Variants in GLI3 observed in about 807,000 individuals in gnomAD.
GLI3 encodes the protein GLI family zinc finger 3, also known as transcription activator GLI3.
GLI3 carries 20 observed loss-of-function variants against 100.8 expected under a neutral mutation model. That is an observed-to-expected ratio of 0.20 (90% CI 0.14 to 0.29). The LOEUF is 0.29. Ranked by LOEUF, GLI3 falls within the 10% of genes least tolerant of loss-of-function variation. The pLI is 1.00. For missense variants in GLI3, 2,040 were observed against 2,128.5 expected, an observed-to-expected ratio of 0.96 and a Z score of 0.82; for synonymous variants, 938 against 860.5, an observed-to-expected ratio of 1.09 and a Z score of -1.58.
rs2128710088 is a variant in GLI3 at position 41,972,746 on chromosome 7, C to T, written c.1813-119G>A. The T allele has an allele frequency of 1.2e-6, 1 of 814,194 alleles. No homozygotes were observed. 50.4% of individuals were successfully genotyped at this position (814,194 alleles called of 1,614,324 possible). On this transcript the variant is annotated intron_variant, in intron 12 of 14. Coordinates refer to ENST00000395925, the MANE Select transcript of GLI3 (RefSeq NM_000168.6). The surrounding 1 kb of genome is among the most constrained non-coding windows in gnomAD (Gnocchi z 4.4). The stretch of plus-strand genomic sequence containing the variant: ...ATCCTTTCAAAACACTTTCACAAGG[C>T]TTTGAGGTGTTCAGATACCTCTAGG...
intron 10 of GLI3, among the ~76,000 whole-genome samples, chr7:41,983,505 A>G (rs1310620320): frequency 2.6e-5 from 4 of 152,226 alleles, no homozygotes; most frequent in African/African-American, 4.8e-5. Flanking sequence ...CTGAAATTCA[A>G]TGGGCACGAG....
intron 2 of GLI3, among the ~76,000 whole-genome samples, chr7:42,207,807 C>T (rs151270261): frequency 2.2e-3 from 340 of 152,250 alleles, no homozygotes; most frequent in African/African-American, 7.9e-3. Flanking sequence ...AGGCCAGCTT[C>T]GTGTTTTTCT....
chr7:41,997,011 A>G (rs558519130), intron 10 of GLI3, among the ~76,000 whole-genome samples: 1 of 152,212 alleles, frequency 6.6e-6, no homozygotes, highest in South Asian at 2.1e-4. Flanking sequence ...GGGCAGAAGA[A>G]TTGGGATTTT....
chr7:42,100,929 G>A (rs1034618752), intron 3 of GLI3, among the ~76,000 whole-genome samples: 11 of 152,112 alleles, frequency 7.2e-5, no homozygotes. Flanking sequence ...CCTTGATTTT[G>A]GACTTTCAGC....
intron 1 of GLI3, among the ~76,000 whole-genome samples, chr7:42,231,665 C>A (rs1788698113): frequency 6.6e-6 from 1 of 152,204 alleles, no homozygotes; most frequent in African/African-American, 2.4e-5. Context: ...CAATCTTAAG[C>A]TGCTGGATGA....
intron 2 of GLI3, among the ~76,000 whole-genome samples, chr7:42,165,645 G>C (rs1787226683): frequency 6.6e-6 from 1 of 152,136 alleles, no homozygotes. Flanking sequence ...CTGGGTTTAG[G>C]CCTTGTCTAT....
At chr7:42,147,484 C>T (rs1462452137) in intron 3 of GLI3, among the ~76,000 whole-genome samples, 1 of 152,166 alleles carries the variant, frequency 6.6e-6, no homozygotes, top group Non-Finnish European at 1.5e-5. Flanking sequence ...TTTGGCACCT[C>T]AATATGAACT....
intron 2 of GLI3, among the ~76,000 whole-genome samples, chr7:42,152,857 T>C (rs1288132723): frequency 2.6e-5 from 4 of 152,242 alleles, no homozygotes; most frequent in Non-Finnish European, 5.9e-5. Flanking sequence ...GGAATGCATA[T>C]TGTAAAATAA....
intron 1 of GLI3, among the ~76,000 whole-genome samples, chr7:42,244,487 T>C (rs1161719499): frequency 6.6e-6 from 1 of 152,126 alleles, no homozygotes; most frequent in Non-Finnish European, 1.5e-5. Context: ...GAAATACAAA[T>C]TTATTGCAGC....
intron 3 of GLI3, among the ~76,000 whole-genome samples, chr7:42,083,780 A>G (rs1209510564): frequency 6.6e-6 from 1 of 152,236 alleles, no homozygotes; most frequent in Non-Finnish European, 1.5e-5. Flanking sequence ...GACTGACTTA[A>G]TATAGTAAAA....
intron 10 of GLI3, among the ~76,000 whole-genome samples, chr7:42,023,251 T>C (rs1462669291): frequency 6.6e-6 from 1 of 152,230 alleles, no homozygotes; most frequent in Non-Finnish European, 1.5e-5. Flanking sequence ...ACACTCTCTA[T>C]TGAAGACTTT....
chr7:42,197,586 T>C (rs1020156044), intron 2 of GLI3, among the ~76,000 whole-genome samples: 1 of 152,212 alleles, frequency 6.6e-6, no homozygotes, highest in Non-Finnish European at 1.5e-5. Context: ...AAATGAAATG[T>C]CGTGCTACTG....
intron 10 of GLI3, among the ~76,000 whole-genome samples, chr7:41,983,024 G>A (rs1263225442): frequency 6.6e-6 from 1 of 152,212 alleles, no homozygotes; most frequent in Non-Finnish European, 1.5e-5. Flanking sequence ...ATTTATGAAT[G>A]TGGAAAACTT....
At chr7:42,149,876 A>G (rs531569652) in intron 2 of GLI3, 21 of 152,382 alleles carry the variant, frequency 1.4e-4, no homozygotes, top group Admixed American at 4.6e-4. Context: ...GTAGAACTGT[A>G]AACACAGACT....
upstream of GLI3, among the ~76,000 whole-genome samples, chr7:42,240,402 G>A (rs1035542052): frequency 3.9e-5 from 6 of 152,186 alleles, no homozygotes; most frequent in African/African-American, 1.4e-4. Flanking sequence ...ATGGCTTAAA[G>A]GACAGACATG....
chr7:42,001,438 A>T (rs1788294705), intron 10 of GLI3, among the ~76,000 whole-genome samples: 1 of 152,118 alleles, frequency 6.6e-6, no homozygotes, highest in African/African-American at 2.4e-5. Context: ...AAAGGCTTGG[A>T]TAAGTCTCAC....
intron 1 of GLI3, among the ~76,000 whole-genome samples, chr7:42,248,981 A>G (rs1022352285): frequency 4.0e-5 from 6 of 151,846 alleles, no homozygotes; most frequent in Non-Finnish European, 5.9e-5. Flanking sequence ...GGCTCAAGAG[A>G]CCCATTCACC....
intron 2 of GLI3, among the ~76,000 whole-genome samples, chr7:42,212,670 G>A (rs1186021697): frequency 1.3e-5 from 2 of 152,154 alleles, no homozygotes; most frequent in African/African-American, 2.4e-5. Context: ...AGGAAAGGCC[G>A]AGTTCTCCAG....
At chr7:42,073,543 A>G (rs1259213628) in intron 4 of GLI3, among the ~76,000 whole-genome samples, 3 of 152,258 alleles carry the variant, frequency 2.0e-5, no homozygotes, top group Admixed American at 6.5e-5. Flanking sequence ...ATTCTGCACC[A>G]TATCGTTGAT....
Sources: gnomAD v4.1 joint callset for allele counts (sites outside exome capture counted in the v4.1 genomes callset) on GRCh38, gnomAD v4.1.1 for gene constraint, Gnocchi (gnomAD v3.1) non-coding constraint, MANE v1.5 for transcripts, NCBI Gene and HGNC (gene_info 2026-07-23, HGNC 2026-07-21) for gene names.